Variants in EYS observed in about 807,000 individuals in gnomAD.
EYS encodes EGF-like photoreceptor maintenance factor.
A neutral mutation model predicts 282.1 loss-of-function variants in EYS; 250 were observed. That is an observed-to-expected ratio of 0.89 (90% confidence interval 0.80 to 0.98). The LOEUF (loss-of-function observed/expected upper bound fraction) is 0.98. Among genes scored for constraint, EYS ranks in the 50% least tolerant of loss-of-function variants. The pLI is 0.00. For synonymous variants in EYS, 1,355 were observed against 1,282.9 expected (o/e 1.06, Z -1.20); for missense variants, 4,016 against 3,709.0 (o/e 1.08, Z -2.15).
intron 30 of EYS, among the ~76,000 whole-genome samples, chr6:64,236,618 T>G (rs1766614732): frequency 6.6e-6 from 1 of 152,142 alleles, no homozygotes; most frequent in Non-Finnish European, 1.5e-5. Context: ...TTTAAAACAC[T>G]ATTTAATGAC....
intron 1 of EYS, among the ~76,000 whole-genome samples, chr6:65,698,533 A>G (rs1769540801): frequency 6.6e-6 from 1 of 152,212 alleles, no homozygotes; most frequent in Non-Finnish European, 1.5e-5. Flanking sequence ...AAAAAAATGA[A>G]GAATGCATCT....
At chr6:63,976,050 G>A (rs1378349142) in intron 35 of EYS, among the ~76,000 whole-genome samples, 1 of 151,756 alleles carries the variant, frequency 6.6e-6, no homozygotes, top group Admixed American at 6.6e-5. Flanking sequence ...GTAACACAGT[G>A]GTATTTGTGT....
At chr6:64,801,888 T>A (rs2172888) in intron 22 of EYS, among the ~76,000 whole-genome samples, 62,067 of 151,804 alleles carry the variant, frequency 0.41, 15,014 homozygotes, top group Admixed American at 0.59. Context: ...TCCAAACAAG[T>A]TTATCTTTGC....
At chr6:63,804,007 A>G (rs1770841859) in intron 37 of EYS, among the ~76,000 whole-genome samples, 1 of 151,932 alleles carries the variant, frequency 6.6e-6, no homozygotes, top group Non-Finnish European at 1.5e-5. Context: ...ATTGAGTACA[A>G]TGATTTTTTT....
intron 22 of EYS, among the ~76,000 whole-genome samples, chr6:64,667,198 A>C (rs1285450128): frequency 6.7e-6 from 1 of 149,004 alleles, no homozygotes; most frequent in Non-Finnish European, 1.5e-5. Flanking sequence ...AATATATAAT[A>C]ATATAAAATA....
chr6:65,654,789 A>T (rs534895839), intron 1 of EYS, among the ~76,000 whole-genome samples: 73 of 151,798 alleles, frequency 4.8e-4, no homozygotes, highest in Middle Eastern at 3.4e-3. Flanking sequence ...TCACCGAAAG[A>T]AATGATTTAG....
chr6:65,251,277 A>C (rs1767316306), intron 12 of EYS, among the ~76,000 whole-genome samples: 1 of 151,664 alleles, frequency 6.6e-6, no homozygotes, highest in South Asian at 2.1e-4. Context: ...TTAATTACAA[A>C]ATTTATGAAA....
rs573095832 is a variant in EYS at position 64,393,975 on chromosome 6, T to C, written c.5928-5135A>G. Among the ~76,000 whole-genome samples, 10 of 152,080 alleles carry C rather than the reference T, an allele frequency of 6.6e-5. No individual in the cohort carries two copies. The South Asian group carries it at 2.1e-3, about 32-fold the overall frequency. The stretch of plus-strand genomic sequence containing the variant: ...CAATGTACAAAAATCACAAGCATTC[T>C]TATACACCAATAACAGCAAACAGAG... On this transcript the variant is annotated intron_variant, in intron 28 of 42. Transcript: ENST00000503581.
At chr6:64,455,489 G>A (rs973834547) in intron 26 of EYS, among the ~76,000 whole-genome samples, 2 of 151,912 alleles carry the variant, frequency 1.3e-5, no homozygotes, top group African/African-American at 2.4e-5. Flanking sequence ...TGAACATGCA[G>A]GTATGTTACA....
chr6:65,033,371 A>G (rs1772662998), intron 13 of EYS, among the ~76,000 whole-genome samples: 1 of 152,186 alleles, frequency 6.6e-6, no homozygotes, highest in African/African-American at 2.4e-5. Flanking sequence ...TAGCCAGAGC[A>G]ATGGAAAACA....
chr6:64,074,595 A>G (rs960440334), intron 32 of EYS, among the ~76,000 whole-genome samples: 4 of 151,722 alleles, frequency 2.6e-5, no homozygotes, highest in Non-Finnish European at 4.4e-5. Flanking sequence ...TTGAATTGAG[A>G]TCATTTATAA....
chr6:63,885,922 T>C (rs1050865992), intron 35 of EYS, among the ~76,000 whole-genome samples: 2 of 152,200 alleles, frequency 1.3e-5, no homozygotes, highest in African/African-American at 4.8e-5. Context: ...GGCATGTAGT[T>C]AATATCAAAT....
intron 12 of EYS, among the ~76,000 whole-genome samples, chr6:65,274,481 T>C (rs1767988996): frequency 6.6e-6 from 1 of 152,196 alleles, no homozygotes; most frequent in South Asian, 2.1e-4. Context: ...TTGTCCCTAG[T>C]ATACAGCTAT....
intron 13 of EYS, among the ~76,000 whole-genome samples, chr6:65,000,935 C>T (rs941586491): frequency 1.2e-4 from 19 of 152,234 alleles, no homozygotes; most frequent in Non-Finnish European, 1.0e-4. Flanking sequence ...TGATCCCTCT[C>T]GCAGGACATG....
intron 2 of EYS, among the ~76,000 whole-genome samples, chr6:65,618,588 T>C (rs1345737507): frequency 1.3e-5 from 2 of 152,244 alleles, no homozygotes; most frequent in African/African-American, 4.8e-5. Flanking sequence ...TTGGCTTTTG[T>C]TGCCATTGCT....
intron 29 of EYS, among the ~76,000 whole-genome samples, chr6:64,361,586 C>T (rs1168657131): frequency 6.6e-6 from 1 of 151,722 alleles, no homozygotes; most frequent in Non-Finnish European, 1.5e-5. Context: ...GTAATAAAAG[C>T]AACTATCTTT....
intron 11 of EYS, 72 bp downstream of exon 11, chr6:65,334,908 A>T (rs1769925095): frequency 7.2e-7 from 1 of 1,398,098 alleles, no homozygotes; most frequent in Non-Finnish European, 1.0e-6. Context: ...ACCATGAAAC[A>T]GTTCGATGAC....
chr6:65,089,474 C>T (rs1009264651), intron 12 of EYS, among the ~76,000 whole-genome samples: 15 of 152,066 alleles, frequency 9.9e-5, no homozygotes, highest in Non-Finnish European at 1.6e-4. Flanking sequence ...AGGCCTGGAG[C>T]CCCTTTGTTT....
chr6:65,618,873 C>G (rs1033820854), intron 2 of EYS, among the ~76,000 whole-genome samples: 2 of 152,036 alleles, frequency 1.3e-5, no homozygotes, highest in Admixed American at 1.3e-4. Flanking sequence ...AGATATGCGG[C>G]ATTATTTCTG....
Sources: allele counts gnomAD v4.1 joint callset (sites outside exome capture counted in the v4.1 genomes callset), GRCh38; gene constraint gnomAD v4.1.1; transcripts MANE v1.5; gene names NCBI Gene and HGNC (gene_info 2026-07-23, HGNC 2026-07-21).